The following CSMD3 variants were observed in gnomAD, a reference collection of about 807,000 sequenced individuals.
The protein encoded by CSMD3 is CUB and sushi domain-containing protein 3.
Under a neutral mutation model 435.2 loss-of-function variants are expected in CSMD3, and 177 were observed. That is an observed-to-expected ratio of 0.41 (90% CI 0.36 to 0.46). The LOEUF is 0.46. Among genes scored for constraint, CSMD3 ranks in the 20% least tolerant of loss-of-function variants. The pLI is 0.34. For missense variants in CSMD3, 4,265 were observed against 4,504.6 expected (o/e 0.95, Z 1.52); for synonymous variants, 1,656 against 1,520.5 (o/e 1.09, Z -2.07).
chr8:113,389,811 G>T (rs2094454113), intron 1 of CSMD3, among the ~76,000 whole-genome samples: 1 of 151,712 alleles, frequency 6.6e-6, no homozygotes, highest in African/African-American at 2.4e-5. Flanking sequence ...AAATTGAGAT[G>T]GTCCTGGGAC....
chr8:112,736,151 G>T (rs2132034308), intron 13 of CSMD3, among the ~76,000 whole-genome samples: 1 of 152,062 alleles, frequency 6.6e-6, no homozygotes, highest in Middle Eastern at 3.4e-3. Context: ...TTTCACTGTT[G>T]CTTTTTGATT....
chr8:112,399,314 G>T (rs2129889622), intron 35 of CSMD3, among the ~76,000 whole-genome samples: 1 of 150,460 alleles, frequency 6.6e-6, no homozygotes, highest in East Asian at 1.9e-4. Context: ...AGGCTGGAGT[G>T]CAATGGTGTA....
At chr8:113,186,460 C>A (rs963789666) in intron 3 of CSMD3, among the ~76,000 whole-genome samples, 1 of 151,868 alleles carries the variant, frequency 6.6e-6, no homozygotes, top group Non-Finnish European at 1.5e-5. Context: ...TTTGAACCAC[C>A]GTCTATAAAC....
Position 112,829,802 on chromosome 8 carries a change from A to G in CSMD3, c.1756-13T>C, listed in dbSNP as rs1465528171. The G allele has an allele frequency of 1.4e-6, 2 of 1,418,116 alleles. No individual in the cohort carries two copies. Among genetic ancestry groups the G allele is most frequent in the Middle Eastern group, 1.8e-4 (1 of 5,688 alleles). 87.8% of individuals were successfully genotyped at this position (1,418,116 alleles called of 1,614,324 possible). ...TTATCTGGATAACCTAGCAGTAAAC[A>G]GAAACATGCACCTTAAATATACTGC... On this transcript the variant is annotated splice_polypyrimidine_tract_variant and intron_variant, in intron 11 of 70. Transcript: ENST00000297405.
chr8:112,474,764 A>C lies in CSMD3; in HGVS notation c.5279-2057T>G, dbSNP rs532510041. On this transcript the variant is annotated intron_variant, in intron 31 of 70. Coordinates refer to ENST00000297405, the MANE Select transcript of CSMD3 (RefSeq NM_198123.2). ...TCAAAGTTTTAAAATAGAGCAATAC[A>C]GTATAGTTAAAACACACACAACACA... 2.4e-4 allele frequency among the ~76,000 whole-genome samples: 36 copies of C among 152,336 alleles called. 1 individual carries two copies. The highest frequency in any genetic ancestry group is 8.4e-4 in the African/African-American group (35 of 41,584).
At chr8:112,243,228 TC>T (rs1192165223) in intron 65 of CSMD3, among the ~76,000 whole-genome samples, 1 of 129,082 alleles carries the variant, frequency 7.7e-6, no homozygotes, top group Non-Finnish European at 1.7e-5. Flanking sequence ...TACAGCGATT[TC>T]AATCATAAAA....
At chr8:112,936,848 G>A (rs1009762918) in intron 9 of CSMD3, among the ~76,000 whole-genome samples, 11 of 151,688 alleles carry the variant, frequency 7.3e-5, no homozygotes, top group Non-Finnish European at 1.2e-4. Context: ...TCCTAAATAC[G>A]TCAATATATT....
intron 3 of CSMD3, among the ~76,000 whole-genome samples, chr8:113,253,907 C>G (rs889841124): frequency 1.3e-5 from 2 of 151,854 alleles, no homozygotes; most frequent in Non-Finnish European, 2.9e-5. Flanking sequence ...TGTGCCAGTA[C>G]TATATCTTAT....
intron 3 of CSMD3, among the ~76,000 whole-genome samples, chr8:113,257,708 T>C (rs2093394492): frequency 6.6e-6 from 1 of 152,218 alleles, no homozygotes; most frequent in South Asian, 2.1e-4. Context: ...GGAAATTAGA[T>C]AATAACTTTC....
intron 6 of CSMD3, among the ~76,000 whole-genome samples, chr8:112,984,496 G>T (rs1479091544): frequency 1.3e-5 from 2 of 151,824 alleles, no homozygotes; most frequent in Admixed American, 6.6e-5. Context: ...ATAATATCTC[G>T]CCAACTGTCT....
chr8:112,241,771 A>G lies in CSMD3; in HGVS notation c.10417T>C (p.Leu3473=), dbSNP rs747874208. ...AGTGCAGGTCTAGGATCTTTCACCA[A>G]TATTTTAGAACCAGCTATGAAAAGA... The part of the protein sequence containing the change: ...VPICEAGSKI[L]VKDPRPALGT... Residue 3473 remains leucine (L), a synonymous_variant, in exon 66 of 71, where the codon TTG becomes CTG. Coordinates refer to ENST00000297405, the MANE Select transcript of CSMD3 (RefSeq NM_198123.2). 1.1e-5 allele frequency: 17 copies of G among 1,612,228 alleles called. 1 individual carries two copies. The highest frequency in any genetic ancestry group is 3.3e-4 in the Middle Eastern group (2 of 6,074).
chr8:113,182,571 A>C (rs1020697554), intron 3 of CSMD3, among the ~76,000 whole-genome samples: 1 of 151,852 alleles, frequency 6.6e-6, no homozygotes, highest in South Asian at 2.1e-4. Flanking sequence ...ACAAAAACAA[A>C]AAAAACTCAC....
intron 12 of CSMD3, among the ~76,000 whole-genome samples, chr8:112,805,526 A>G (rs2132354775): frequency 6.6e-6 from 1 of 152,358 alleles, no homozygotes; most frequent in Admixed American, 6.5e-5. Context: ...TGTAATATTA[A>G]TACTGCCATA....
chr8:112,752,248 T>A (rs1212851497), intron 13 of CSMD3, among the ~76,000 whole-genome samples: 2 of 152,166 alleles, frequency 1.3e-5, no homozygotes, highest in East Asian at 1.9e-4. Flanking sequence ...CTGGTCTCTA[T>A]TCCTAAGCCT....
chr8:112,409,476 T>C (rs551128207), intron 32 of CSMD3, among the ~76,000 whole-genome samples: 140 of 152,122 alleles, frequency 9.2e-4, no homozygotes, highest in Non-Finnish European at 1.7e-3. Context: ...AAGTTGTCCT[T>C]AAAAATGTTA....
At chr8:112,286,517 G>A (rs1179559193) in intron 58 of CSMD3, among the ~76,000 whole-genome samples, 1 of 151,828 alleles carries the variant, frequency 6.6e-6, no homozygotes, top group East Asian at 1.9e-4. Context: ...ACAAGAAGAA[G>A]GGTGAGTACA....
chr8:112,494,380 G>A (rs900782050), intron 30 of CSMD3, among the ~76,000 whole-genome samples: 1 of 146,224 alleles, frequency 6.8e-6, no homozygotes, highest in Non-Finnish European at 1.5e-5. Context: ...AAAGGCTCAC[G>A]ACCCTACTAT....
chr8:112,226,515 T>C (rs756680691), intron 70 of CSMD3, among the ~76,000 whole-genome samples: 2 of 152,118 alleles, frequency 1.3e-5, no homozygotes, highest in Non-Finnish European at 2.9e-5. Flanking sequence ...CAATGGTTTC[T>C]TGGATTTGAC....
intron 17 of CSMD3, among the ~76,000 whole-genome samples, chr8:112,657,606 T>G (rs2075287266): frequency 6.6e-6 from 1 of 152,212 alleles, no homozygotes; most frequent in African/African-American, 2.4e-5. Flanking sequence ...TCCCTTGCAC[T>G]TCAGGGTTAT....
Sources: allele counts gnomAD v4.1 joint callset (sites outside exome capture counted in the v4.1 genomes callset), GRCh38; gene constraint gnomAD v4.1.1; transcripts MANE v1.5; gene names NCBI Gene and HGNC (gene_info 2026-07-23, HGNC 2026-07-21).